Variants in IFT56 observed in about 807,000 individuals in gnomAD.
IFT56 encodes intraflagellar transport protein 56.
At chr7:139,160,970 A>G in the IFT56 span, 16 of 1,613,642 alleles carry the variant, frequency 9.9e-6, no homozygotes, top group Non-Finnish European at 1.4e-5. Context: ...AGCTTGATGG[A>G]CAATGCTTCT....
At chr7:139,173,641 C>G in the IFT56 span, 1 of 783,918 alleles carries the variant, frequency 1.3e-6, no homozygotes, top group African/African-American at 1.7e-5. Flanking sequence ...GGTCAACATT[C>G]TTTTCTTCTG....
the IFT56 span, among the ~76,000 whole-genome samples, chr7:139,146,798 A>G: frequency 6.6e-6 from 1 of 151,700 alleles, no homozygotes; most frequent in Non-Finnish European, 1.5e-5. Flanking sequence ...GAAAGAAAGA[A>G]CAGATTAAAA....
At chr7:139,172,638 A>G in the IFT56 span, 21 of 604,744 alleles carry the variant, frequency 3.5e-5, no homozygotes, top group African/African-American at 3.1e-4. Flanking sequence ...AAGTGCTTCA[A>G]CAAAGCCTTC....
At chr7:139,143,541 A>G in the IFT56 span, among the ~76,000 whole-genome samples, 1 of 151,368 alleles carries the variant, frequency 6.6e-6, no homozygotes, top group East Asian at 1.9e-4. Context: ...CTATCCTTTT[A>G]CTTTCTACCT....
chr7:139,161,218 G>A, the IFT56 span: 1 of 488,842 alleles, frequency 2.0e-6, no homozygotes, highest in Non-Finnish European at 3.6e-6. Flanking sequence ...GGGAGAACAG[G>A]AATATATTTA....
the IFT56 span, among the ~76,000 whole-genome samples, chr7:139,153,994 A>G: frequency 3.3e-5 from 5 of 152,142 alleles, no homozygotes; most frequent in East Asian, 1.9e-4. Context: ...GTTCTTGCCA[A>G]CAGTTGTTAT....
the IFT56 span, chr7:139,168,559 T>G: frequency 1.7e-6 from 1 of 593,506 alleles, no homozygotes; most frequent in Non-Finnish European, 3.0e-6. Context: ...AATGTTATGT[T>G]ATTTAGAGAC....
At chr7:139,134,762 A>G in the IFT56 span, 1 of 1,614,086 alleles carries the variant, frequency 6.2e-7, no homozygotes, top group Non-Finnish European at 8.5e-7. Flanking sequence ...TTTCAAAAAG[A>G]GATTTCACTG....
chr7:139,139,480 A>G, the IFT56 span, among the ~76,000 whole-genome samples: 1 of 152,242 alleles, frequency 6.6e-6, no homozygotes, highest in Non-Finnish European at 1.5e-5. Flanking sequence ...ATGCCAAAAA[A>G]GCCAGAAAAC....
the IFT56 span, chr7:139,165,265 A>G: frequency 6.7e-7 from 1 of 1,489,230 alleles, no homozygotes; most frequent in Non-Finnish European, 9.3e-7. Context: ...TCTTACTTAC[A>G]ATGAGATATT....
the IFT56 span, chr7:139,187,641 A>G: frequency 7.1e-7 from 1 of 1,406,092 alleles, no homozygotes; most frequent in Non-Finnish European, 9.7e-7. Flanking sequence ...CATGATTATA[A>G]TGATGTTTTA....
the IFT56 span, among the ~76,000 whole-genome samples, chr7:139,150,662 A>G: frequency 6.6e-6 from 1 of 152,228 alleles, no homozygotes; most frequent in Non-Finnish European, 1.5e-5. Context: ...TAATTTTAAT[A>G]AACTATTTAA....
the IFT56 span, among the ~76,000 whole-genome samples, chr7:139,187,023 A>G: frequency 6.1e-5 from 9 of 146,464 alleles, no homozygotes; most frequent in African/African-American, 2.1e-4. Flanking sequence ...GAACCCGGGA[A>G]GCGGAGCTTG....
the IFT56 span, among the ~76,000 whole-genome samples, chr7:139,149,906 A>G: frequency 0.052 from 7,986 of 152,138 alleles, 373 homozygotes; most frequent in South Asian, 0.13. Context: ...ATATACATAT[A>G]TAATATATAG....
At chr7:139,177,238 G>A in the IFT56 span, among the ~76,000 whole-genome samples, 2 of 149,802 alleles carry the variant, frequency 1.3e-5, no homozygotes, top group East Asian at 1.9e-4. Flanking sequence ...GTGTGTGTGT[G>A]TATATATATA....
the IFT56 span, among the ~76,000 whole-genome samples, chr7:139,170,127 C>T: frequency 6.6e-6 from 1 of 152,230 alleles, no homozygotes; most frequent in South Asian, 2.1e-4. Context: ...TGGACAAATT[C>T]CTAGACACAT....
the IFT56 span, chr7:139,190,810 G>C: frequency 6.6e-6 from 1 of 152,088 alleles, no homozygotes; most frequent in Non-Finnish European, 1.5e-5. Context: ...ACACCATATA[G>C]TTTTTTTCTA....
chr7:139,153,603 G>T, the IFT56 span, among the ~76,000 whole-genome samples: 6 of 152,028 alleles, frequency 3.9e-5, no homozygotes, highest in African/African-American at 1.2e-4. Context: ...TTTATGATCG[G>T]CATCTTTTAC....
the IFT56 span, among the ~76,000 whole-genome samples, chr7:139,177,930 C>A: frequency 6.6e-6 from 1 of 152,064 alleles, no homozygotes; most frequent in Non-Finnish European, 1.5e-5. Flanking sequence ...AGCATCAAAG[C>A]CCTGAAAAAT....
Sources: allele counts gnomAD v4.1 joint callset (sites outside exome capture counted in the v4.1 genomes callset), GRCh38; gene constraint gnomAD v4.1.1; transcripts MANE v1.5; gene names NCBI Gene and HGNC (gene_info 2026-07-23, HGNC 2026-07-21).